The following NBEA variants were observed in gnomAD, a reference collection of about 807,000 sequenced individuals.
The protein encoded by NBEA is neurobeachin, also known as lysosomal-trafficking regulator 2.
Under a neutral mutation model 343.4 loss-of-function variants are expected in NBEA, and 44 were observed. The observed-to-expected ratio is 0.13, with a 90% CI of 0.10 to 0.16. NBEA has a LOEUF of 0.16. NBEA is among the 10% of genes least tolerant of loss of function. NBEA has a pLI of 1.00. For synonymous variants in NBEA, 1,175 were observed against 1,238.7 expected (o/e 0.95, Z 1.08); for missense variants, 2,555 against 3,631.3 (o/e 0.70, Z 7.62).
At chr13:35,462,223 A>T (rs1002127751) in intron 40 of NBEA, among the ~76,000 whole-genome samples, 34 of 152,204 alleles carry the variant, frequency 2.2e-4, no homozygotes. Context: ...TATGATCAAA[A>T]TTCTGCCCTC....
At chr13:35,221,785 A>G (rs1489787112) in intron 33 of NBEA, among the ~76,000 whole-genome samples, 2 of 152,120 alleles carry the variant, frequency 1.3e-5, no homozygotes, top group African/African-American at 4.8e-5. Flanking sequence ...ACCTTACATC[A>G]TAAGGGTTTT....
At chr13:35,370,423 G>A (rs370407446) in intron 38 of NBEA, among the ~76,000 whole-genome samples, 1 of 151,966 alleles carries the variant, frequency 6.6e-6, no homozygotes, top group African/African-American at 2.4e-5. Flanking sequence ...GTCTGTATGT[G>A]TCTTTGCAGA....
chr13:35,241,203 A>G (rs1033569715), intron 34 of NBEA, among the ~76,000 whole-genome samples: 1 of 151,988 alleles, frequency 6.6e-6, no homozygotes, highest in Non-Finnish European at 1.5e-5. Flanking sequence ...ACAAGCTATT[A>G]TAGTTAAAAC....
chr13:34,983,653 T>A (rs889989847), intron 1 of NBEA, among the ~76,000 whole-genome samples: 1 of 152,216 alleles, frequency 6.6e-6, no homozygotes, highest in Admixed American at 6.5e-5. Flanking sequence ...GTAAAATTAT[T>A]CCTATTTCTC....
At chr13:35,260,904 C>T (rs1417910870) in intron 34 of NBEA, among the ~76,000 whole-genome samples, 1 of 152,124 alleles carries the variant, frequency 6.6e-6, no homozygotes, top group African/African-American at 2.4e-5. Context: ...AAAGGGTTTT[C>T]TAGAACCATT....
chr13:35,643,069 C>A (rs2084041309), intron 49 of NBEA, among the ~76,000 whole-genome samples: 1 of 150,552 alleles, frequency 6.6e-6, no homozygotes. Context: ...AGAAGGAATT[C>A]ATCTCACAGT....
At chr13:35,367,063 C>T (rs1178669848) in intron 38 of NBEA, among the ~76,000 whole-genome samples, 1 of 151,164 alleles carries the variant, frequency 6.6e-6, no homozygotes, top group Non-Finnish European at 1.5e-5. Context: ...GATAATGATA[C>T]ATTCTAAATA....
chr13:35,176,858 A>G (rs934409542), intron 27 of NBEA, 138 bp from the exon 28 acceptor site: 8 of 582,984 alleles, frequency 1.4e-5, no homozygotes, highest in Non-Finnish European at 2.4e-5. Context: ...GCATTGTAAT[A>G]GAGGATTATG....
At chr13:35,566,067 TA>T (rs2153025364) in intron 44 of NBEA, among the ~76,000 whole-genome samples, 1 of 152,282 alleles carries the variant, frequency 6.6e-6, no homozygotes, top group Admixed American at 6.5e-5. Flanking sequence ...TTCATTATAA[TA>T]GAATACCATC....
intron 50 of NBEA, 83 bp from the exon 51 acceptor site, chr13:35,646,176 G>A: frequency 9.4e-7 from 1 of 1,066,474 alleles, no homozygotes; most frequent in South Asian, 1.4e-5. Context: ...GCTGACTTGG[G>A]ATACACTTGC....
At chr13:35,207,461 T>C (rs1198611226) in intron 31 of NBEA, among the ~76,000 whole-genome samples, 3 of 152,164 alleles carry the variant, frequency 2.0e-5, no homozygotes, top group Non-Finnish European at 4.4e-5. Flanking sequence ...AATTCTGTGA[T>C]GGTTGAGTAA....
intron 41 of NBEA, among the ~76,000 whole-genome samples, chr13:35,512,374 T>G (rs960307251): frequency 6.6e-6 from 1 of 152,218 alleles, no homozygotes; most frequent in African/African-American, 2.4e-5. Flanking sequence ...CTGGTTAAAA[T>G]CTTTGGTTGC....
chr13:35,470,568 T>A (rs892974503), intron 40 of NBEA, among the ~76,000 whole-genome samples: 5 of 152,242 alleles, frequency 3.3e-5, no homozygotes, highest in African/African-American at 1.2e-4. Context: ...CCCAACAATG[T>A]ACAACTTTGT....
intron 29 of NBEA, 107 bp downstream of exon 29, chr13:35,182,635 T>C (rs1593644124): frequency 9.8e-7 from 1 of 1,024,320 alleles, no homozygotes; most frequent in East Asian, 2.8e-5. Flanking sequence ...CCTCAAATAT[T>C]TATGAATGGT....
intron 1 of NBEA, among the ~76,000 whole-genome samples, chr13:35,012,519 G>T (rs566701309): frequency 6.6e-6 from 1 of 152,090 alleles, no homozygotes; most frequent in Non-Finnish European, 1.5e-5. Flanking sequence ...TACTTTACAT[G>T]TGGTAGAGTC....
At chr13:35,514,714 G>T (rs1410037571) in intron 41 of NBEA, among the ~76,000 whole-genome samples, 3 of 152,088 alleles carry the variant, frequency 2.0e-5, no homozygotes, top group Non-Finnish European at 4.4e-5. Context: ...AAACAAAAAA[G>T]AGGTCGAAAA....
chr13:35,006,942 C>T (rs767787653), intron 1 of NBEA, among the ~76,000 whole-genome samples: 25 of 152,226 alleles, frequency 1.6e-4, no homozygotes, highest in Non-Finnish European at 2.9e-4. Flanking sequence ...TGGTAGAGGA[C>T]TTGTGTTGTC....
intron 41 of NBEA, among the ~76,000 whole-genome samples, chr13:35,504,348 T>C (rs573478774): frequency 2.1e-4 from 32 of 152,222 alleles, no homozygotes; most frequent in African/African-American, 7.5e-4. Flanking sequence ...ATAATACACA[T>C]CTAACCAGTT....
chr13:35,401,896 T>A (rs1338984870), intron 38 of NBEA, among the ~76,000 whole-genome samples: 2 of 151,998 alleles, frequency 1.3e-5, no homozygotes, highest in Non-Finnish European at 2.9e-5. Context: ...TACATAAACC[T>A]CCTTTATGTG....
Sources: allele counts gnomAD v4.1 joint callset (sites outside exome capture counted in the v4.1 genomes callset), GRCh38; gene constraint gnomAD v4.1.1; transcripts MANE v1.5; gene names NCBI Gene and HGNC (gene_info 2026-07-23, HGNC 2026-07-21).